FBN1: variants seen among roughly 807,000 people sequenced by gnomAD.
FBN1 encodes the protein fibrillin 1.
In FBN1, 29 loss-of-function variants were observed where a neutral mutation model predicts 365.1. That is an observed-to-expected ratio of 0.08 (90% CI 0.06 to 0.11). The LOEUF (loss-of-function observed/expected upper bound fraction) is 0.11. Among genes scored for constraint, FBN1 ranks in the 10% least tolerant of loss-of-function variants. FBN1 has a pLI of 1.00. For synonymous variants in FBN1, 1,210 were observed against 1,270.5 expected (o/e 0.95, Z 1.01); for missense variants, 2,476 against 3,703.2 (o/e 0.67, Z 8.60).
chr15:48,620,752 T>C (rs904536250), intron 2 of FBN1, among the ~76,000 whole-genome samples: 8 of 152,208 alleles, frequency 5.3e-5, no homozygotes, highest in South Asian at 4.1e-4. Flanking sequence ...GCCTATTATG[T>C]GCTAGGCACT....
intron 50 of FBN1, among the ~76,000 whole-genome samples, chr15:48,441,404 A>T (rs1297931679): frequency 1.3e-5 from 2 of 152,122 alleles, no homozygotes; most frequent in African/African-American, 4.8e-5. Flanking sequence ...TATGTAGCTC[A>T]ACTTCCCCCA....
At chr15:48,601,643 G>A (rs1198830599) in intron 4 of FBN1, among the ~76,000 whole-genome samples, 5 of 152,128 alleles carry the variant, frequency 3.3e-5, no homozygotes, top group Non-Finnish European at 7.3e-5. Context: ...CCCTTGTTAG[G>A]AATCCTCAGC....
chr15:48,462,445 ACTTTC>A (rs2043286649), intron 42 of FBN1, among the ~76,000 whole-genome samples: 1 of 152,298 alleles, frequency 6.6e-6, no homozygotes, highest in Non-Finnish European at 1.5e-5. Context: ...GAAAAGTTGC[ACTTTC>A]CTTTCATTTT....
intron 45 of FBN1, among the ~76,000 whole-genome samples, chr15:48,451,318 AGTTTCTCTAGGGTATT>A (rs1250047750): frequency 6.6e-6 from 1 of 152,224 alleles, no homozygotes; most frequent in African/African-American, 2.4e-5. Context: ...ATCAATGCCA[AGTTTCTCTAGGGTATT>A]GTGGTTCATA....
intron 2 of FBN1, among the ~76,000 whole-genome samples, chr15:48,619,533 T>C (rs1037280951): frequency 6.6e-6 from 1 of 152,040 alleles, no homozygotes; most frequent in African/African-American, 2.4e-5. Flanking sequence ...CTCTCTTCAG[T>C]TCCTGTTTTC....
chr15:48,443,328 A>G (rs1445228952), intron 49 of FBN1, among the ~76,000 whole-genome samples: 1 of 152,156 alleles, frequency 6.6e-6, no homozygotes, highest in Non-Finnish European at 1.5e-5. Context: ...TACTATGACT[A>G]TTTATATTAT....
chr15:48,605,926 C>A (rs1229010026), intron 4 of FBN1, among the ~76,000 whole-genome samples: 1 of 152,044 alleles, frequency 6.6e-6, no homozygotes, highest in Non-Finnish European at 1.5e-5. Flanking sequence ...TATAAAGAGA[C>A]CTTTCACTGA....
At chr15:48,517,141 G>A (rs1400017828) in intron 10 of FBN1, among the ~76,000 whole-genome samples, 1 of 152,142 alleles carries the variant, frequency 6.6e-6, no homozygotes, top group Non-Finnish European at 1.5e-5. Flanking sequence ...TAGAAACCAA[G>A]TTCCATTTTG....
chr15:48,533,993 G>T (rs1033383091), intron 8 of FBN1, 87 bp downstream of exon 8: 4 of 1,551,002 alleles, frequency 2.6e-6, no homozygotes, highest in Non-Finnish European at 3.5e-6. Context: ...AAGGATTTAG[G>T]AATAATTTGC....
At chr15:48,418,058 T>A (rs1164818919) in intron 63 of FBN1, among the ~76,000 whole-genome samples, 9 of 152,234 alleles carry the variant, frequency 5.9e-5, no homozygotes. Flanking sequence ...CTGTGTTTTT[T>A]CCTCCAAAGA....
intron 31 of FBN1, among the ~76,000 whole-genome samples, chr15:48,483,383 TAGA>T (rs2043481400): frequency 1.3e-5 from 2 of 152,194 alleles, no homozygotes; most frequent in South Asian, 4.1e-4. Context: ...TTAGAGATCG[TAGA>T]AGAAAAGTTT....
intron 7 of FBN1, among the ~76,000 whole-genome samples, chr15:48,537,091 G>A (rs1341767521): frequency 6.6e-6 from 1 of 152,104 alleles, no homozygotes; most frequent in Non-Finnish European, 1.5e-5. Flanking sequence ...GCTAGCAGGC[G>A]ACATCTGGGG....
intron 4 of FBN1, among the ~76,000 whole-genome samples, chr15:48,605,797 C>T (rs936074056): frequency 6.6e-6 from 1 of 152,102 alleles, no homozygotes; most frequent in Admixed American, 6.6e-5. Context: ...ATAACTTGAG[C>T]CTGGGAGACG....
Position 48,644,636 on chromosome 15 carries a change from C to A in FBN1, c.134G>T (p.Arg45Ile). Reference sequence around the variant, plus strand: ...AAGCGCGTCGTGTCCTCCACCGCCTCTTCTCTTGGCCCGACTGGCTCTGGT... The same window carrying A: ...AAGCGCGTCGTGTCCTCCACCGCCTATTCTCTTGGCCCGACTGGCTCTGGT... The part of the protein sequence containing the change: ...KETRASRAKR[R>I]GGGGHDALKG... Residue 45 changes from arginine to isoleucine, a missense_variant, in exon 2 of 66, where the codon AGA becomes ATA. By Grantham distance (97) the Arg-to-Ile change is moderately conservative. Around this residue, in one of 5 missense-constraint regions of FBN1, gnomAD observed 76 missense variants for 85.4 expected, o/e 0.89. Coordinates refer to ENST00000316623, the MANE Select transcript of FBN1 (RefSeq NM_000138.5). The A allele has an allele frequency of 6.2e-7, 1 of 1,613,944 alleles. No homozygotes were observed. Among genetic ancestry groups the A allele is most frequent in the Non-Finnish European group, 8.5e-7 (1 of 1,180,014 alleles).
At chr15:48,434,384 T>C (rs1437348263) in intron 54 of FBN1, among the ~76,000 whole-genome samples, 1 of 151,784 alleles carries the variant, frequency 6.6e-6, no homozygotes, top group Non-Finnish European at 1.5e-5. Flanking sequence ...AGTGTAGATG[T>C]GCCATGAACA....
chr15:48,543,341 T>C lies in FBN1; in HGVS notation c.539-5533A>G, dbSNP rs374511369. Among the ~76,000 whole-genome samples the C allele has an allele frequency of 3.6e-4, 55 of 152,272 alleles. 1 individual carries two copies. The highest frequency in any genetic ancestry group is 1.3e-3 in the African/African-American group (52 of 41,552). On this transcript the variant is annotated intron_variant, in intron 6 of 65. Coordinates refer to ENST00000316623, the MANE Select transcript of FBN1 (RefSeq NM_000138.5). ...GTGGAATTCCAGGGGCATTCTCCAA[T>C]TGGGGCCCAAATACAAGGCCTATTT...
At chr15:48,640,581 G>C (rs1179109361) in intron 2 of FBN1, among the ~76,000 whole-genome samples, 1 of 152,098 alleles carries the variant, frequency 6.6e-6, no homozygotes, top group Admixed American at 6.5e-5. Context: ...TCTACCATGG[G>C]TATGAACTGT....
chr15:48,426,515 G>A (rs780745020), intron 58 of FBN1, among the ~76,000 whole-genome samples: 1 of 152,066 alleles, frequency 6.6e-6, no homozygotes, highest in East Asian at 1.9e-4. Context: ...ACCACAGAGA[G>A]AAAGACTGGG....
intron 2 of FBN1, among the ~76,000 whole-genome samples, chr15:48,626,906 A>C (rs2028109): frequency 0.075 from 11,472 of 152,262 alleles, 490 homozygotes; most frequent in Middle Eastern, 0.16. Flanking sequence ...TTAATTTATA[A>C]AATTTACTCT....
Sources: gnomAD v4.1 joint callset for allele counts (sites outside exome capture counted in the v4.1 genomes callset) on GRCh38, gnomAD v4.1.1 for gene constraint, gnomAD v4.1.1 regional missense constraint, MANE v1.5 for transcripts, NCBI Gene and HGNC (gene_info 2026-07-23, HGNC 2026-07-21) for gene names.